SNTG1: variants seen among roughly 807,000 people sequenced by gnomAD.
SNTG1 encodes the protein syntrophin gamma 1.
Under a neutral mutation model 74.7 loss-of-function variants are expected in SNTG1, and 39 were observed. The observed-to-expected ratio is 0.52, with a 90% CI of 0.40 to 0.68. The LOEUF is 0.68. SNTG1 is among the 30% of genes least tolerant of loss of function. The pLI, the probability that SNTG1 is intolerant of heterozygous loss-of-function variation, is 0.00. For missense variants in SNTG1, 685 were observed against 609.5 expected, an observed-to-expected ratio of 1.12 and a Z score of -1.30; for synonymous variants, 254 against 217.1, an observed-to-expected ratio of 1.17 and a Z score of -1.49.
chr8:50,431,918 G>C (rs1476692159), intron 4 of SNTG1, among the ~76,000 whole-genome samples: 18 of 152,002 alleles, frequency 1.2e-4, no homozygotes, highest in Non-Finnish European at 7.4e-5. Context: ...TGTATATTTT[G>C]GATACAAGTC....
intron 1 of SNTG1, among the ~76,000 whole-genome samples, chr8:49,933,784 G>A (rs1305790847): frequency 6.6e-6 from 1 of 152,144 alleles, no homozygotes; most frequent in Non-Finnish European, 1.5e-5. Context: ...ATGGGTGTGA[G>A]CCCATTCACT....
At chr8:50,547,270 T>C (rs758240421) in intron 11 of SNTG1, among the ~76,000 whole-genome samples, 3 of 152,194 alleles carry the variant, frequency 2.0e-5, no homozygotes, top group Non-Finnish European at 2.9e-5. Context: ...GGTCTCTGTG[T>C]AACTCAGGAG....
intron 17 of SNTG1, among the ~76,000 whole-genome samples, chr8:50,745,490 AC>A (rs1413795946): frequency 3.9e-5 from 6 of 152,018 alleles, no homozygotes; most frequent in African/African-American, 1.4e-4. Flanking sequence ...CCTCTGAAAA[AC>A]ATTTGGTGGT....
intron 2 of SNTG1, among the ~76,000 whole-genome samples, chr8:50,367,697 TA>T (rs1306358318): frequency 6.6e-6 from 1 of 152,152 alleles, no homozygotes; most frequent in East Asian, 1.9e-4. Flanking sequence ...ATCTAGTAAT[TA>T]CCTGTGATTG....
chr8:50,622,122 C>T (rs955705246), intron 13 of SNTG1, among the ~76,000 whole-genome samples: 1 of 152,188 alleles, frequency 6.6e-6, no homozygotes, highest in Non-Finnish European at 1.5e-5. Context: ...AATCTCTCTG[C>T]TTACCCTATT....
intron 8 of SNTG1, among the ~76,000 whole-genome samples, chr8:50,456,630 A>C (rs1269257346): frequency 6.6e-6 from 1 of 152,188 alleles, no homozygotes; most frequent in East Asian, 1.9e-4. Flanking sequence ...CTCCTGATTT[A>C]ATAACTTCCC....
chr8:49,963,687 G>A (rs1258450690), intron 1 of SNTG1, among the ~76,000 whole-genome samples: 1 of 152,084 alleles, frequency 6.6e-6, no homozygotes, highest in East Asian at 1.9e-4. Flanking sequence ...ACAAGCTACT[G>A]GTCTTTGCAC....
intron 8 of SNTG1, among the ~76,000 whole-genome samples, chr8:50,497,234 G>T (rs1323334376): frequency 6.6e-6 from 1 of 151,678 alleles, no homozygotes; most frequent in African/African-American, 2.4e-5. Flanking sequence ...TAAAGCAACT[G>T]CCCAGTGCCT....
Position 50,493,770 on chromosome 8 carries a change from G to A in SNTG1, c.364-9008G>A, listed in dbSNP as rs1307391539. ...TATTTTTTACTTCTATATATTGAGAGTATTTAGTATACTTTTATATAAATA... is the reference window on the plus strand; with the variant it reads ...TATTTTTTACTTCTATATATTGAGAATATTTAGTATACTTTTATATAAATA... On this transcript the variant is annotated intron_variant, in intron 8 of 18. Transcript: ENST00000642720. Among the ~76,000 whole-genome samples the A allele has an allele frequency of 4.7e-5, 7 of 150,170 alleles. No homozygotes were observed. The East Asian group carries it at 1.2e-3, about 25-fold the overall frequency.
At chr8:49,985,155 G>GT (rs1208220069) in intron 1 of SNTG1, among the ~76,000 whole-genome samples, 3 of 152,048 alleles carry the variant, frequency 2.0e-5, no homozygotes, top group African/African-American at 4.8e-5. Context: ...CAGCCACAAT[G>GT]TTTTTTTGTT....
chr8:50,273,702 G>GT (rs1351342802), intron 2 of SNTG1, among the ~76,000 whole-genome samples: 2 of 152,280 alleles, frequency 1.3e-5, no homozygotes, highest in East Asian at 3.9e-4. Flanking sequence ...AGATAAGAGG[G>GT]TTAACAATGG....
chr8:50,262,802 C>T (rs551107850), intron 2 of SNTG1, among the ~76,000 whole-genome samples: 55 of 152,064 alleles, frequency 3.6e-4, no homozygotes, highest in African/African-American at 1.3e-3. Flanking sequence ...CATGGTAAAA[C>T]TTTAAATCCA....
chr8:50,140,585 T>C (rs1047561076), intron 1 of SNTG1, among the ~76,000 whole-genome samples: 16 of 152,124 alleles, frequency 1.1e-4, no homozygotes, highest in Non-Finnish European at 1.5e-4. Context: ...TGAATGTTTA[T>C]AGTATGTGGA....
At chr8:50,689,416 C>T (rs924301453) in intron 15 of SNTG1, among the ~76,000 whole-genome samples, 2 of 152,060 alleles carry the variant, frequency 1.3e-5, no homozygotes, top group Admixed American at 6.6e-5. Flanking sequence ...TTTTGAGATA[C>T]ATCCCATCAA....
chr8:50,030,832 T>G (rs1461109914), intron 1 of SNTG1, among the ~76,000 whole-genome samples: 1 of 151,982 alleles, frequency 6.6e-6, no homozygotes, highest in Admixed American at 6.6e-5. Context: ...AATCATTGCC[T>G]GTCCATATAT....
intron 4 of SNTG1, among the ~76,000 whole-genome samples, chr8:50,415,511 C>T (rs1254221655): frequency 2.6e-5 from 4 of 152,008 alleles, no homozygotes; most frequent in African/African-American, 7.2e-5. Context: ...TAAAATTTCT[C>T]ATTTTTGTCA....
intron 2 of SNTG1, among the ~76,000 whole-genome samples, chr8:50,346,923 A>G (rs1236944026): frequency 6.6e-6 from 1 of 152,256 alleles, no homozygotes; most frequent in Non-Finnish European, 1.5e-5. Flanking sequence ...GAAGCTGGTC[A>G]TGAGGTTTAA....
At chr8:50,061,228 G>T (rs1467531705) in intron 1 of SNTG1, among the ~76,000 whole-genome samples, 1 of 152,094 alleles carries the variant, frequency 6.6e-6, no homozygotes, top group Non-Finnish European at 1.5e-5. Context: ...TCTATTTAAT[G>T]ATTATAGAAT....
At chr8:50,487,800 A>G (rs546117288) in intron 8 of SNTG1, among the ~76,000 whole-genome samples, 124 of 151,896 alleles carry the variant, frequency 8.2e-4, no homozygotes, top group African/African-American at 2.3e-3. Context: ...ACTAACCTGC[A>G]CAATGTGCAC....
Sources: allele counts gnomAD v4.1 joint callset (sites outside exome capture counted in the v4.1 genomes callset), GRCh38; gene constraint gnomAD v4.1.1; transcripts MANE v1.5; gene names NCBI Gene and HGNC (gene_info 2026-07-23, HGNC 2026-07-21).